DPP10: variants seen among roughly 807,000 people sequenced by gnomAD.
The protein encoded by DPP10 is dipeptidyl peptidase like 10, also known as inactive dipeptidyl peptidase 10.
DPP10 carries 33 observed loss-of-function variants against 120.9 expected under a neutral mutation model. That is an observed-to-expected ratio of 0.27 (90% CI 0.21 to 0.37). The LOEUF (loss-of-function observed/expected upper bound fraction) is 0.37, where lower values mean the gene tolerates loss of function less well. DPP10 is among the 10% of genes least tolerant of loss of function. DPP10 has a pLI of 1.00. For missense variants in DPP10, 816 were observed against 942.8 expected (o/e 0.87, Z 1.76); for synonymous variants, 337 against 326.1 (o/e 1.03, Z -0.36).
intron 2 of DPP10, among the ~76,000 whole-genome samples, chr2:115,330,875 G>A (rs921066065): frequency 5.9e-5 from 9 of 152,058 alleles, no homozygotes; most frequent in African/African-American, 2.2e-4. Context: ...CTCCAGCTTT[G>A]TTCTTTTGGC....
chr2:115,425,735 C>T (rs1321381995), intron 3 of DPP10, among the ~76,000 whole-genome samples: 6 of 152,022 alleles, frequency 3.9e-5, no homozygotes, highest in African/African-American at 1.5e-4. Flanking sequence ...TAAAGAAATA[C>T]CTGAGACTGG....
chr2:115,526,993 GT>G (rs946016900), intron 5 of DPP10, among the ~76,000 whole-genome samples: 15 of 152,048 alleles, frequency 9.9e-5, no homozygotes. Flanking sequence ...TAAGTCATAT[GT>G]TATAGTAAGA....
At chr2:114,725,562 C>T (rs1304618186) in intron 1 of DPP10, among the ~76,000 whole-genome samples, 6 of 152,220 alleles carry the variant, frequency 3.9e-5, no homozygotes, top group African/African-American at 1.4e-4. Context: ...GAGCTTCTCT[C>T]CAGTGCATCT....
chr2:114,872,049 CA>C, intron 1 of DPP10, among the ~76,000 whole-genome samples: 1 of 152,284 alleles, frequency 6.6e-6, no homozygotes, highest in Non-Finnish European at 1.5e-5. Context: ...TTAACATTAG[CA>C]AAGAGCTTTG....
At chr2:115,592,472 G>A (rs189154252) in intron 5 of DPP10, among the ~76,000 whole-genome samples, 2 of 151,998 alleles carry the variant, frequency 1.3e-5, no homozygotes, top group South Asian at 2.1e-4. Flanking sequence ...GCTCATGCCT[G>A]TAATCCTAGC....
chr2:115,832,478 G>T (rs1689031845), intron 21 of DPP10, among the ~76,000 whole-genome samples: 1 of 152,176 alleles, frequency 6.6e-6, no homozygotes, highest in African/African-American at 2.4e-5. Context: ...GACAGAGTGA[G>T]ACCATGTCTA....
chr2:114,788,975 T>C (rs1683013177), intron 1 of DPP10, among the ~76,000 whole-genome samples: 1 of 152,128 alleles, frequency 6.6e-6, no homozygotes, highest in Admixed American at 6.5e-5. Flanking sequence ...CATGGGATGA[T>C]GATATCAACT....
chr2:114,561,540 C>T (rs898564233), intron 1 of DPP10, among the ~76,000 whole-genome samples: 1 of 152,126 alleles, frequency 6.6e-6, no homozygotes, highest in African/African-American at 2.4e-5. Flanking sequence ...CCTTTAGCAA[C>T]TATTTTACAC....
intron 1 of DPP10, among the ~76,000 whole-genome samples, chr2:114,914,966 C>T (rs1262861053): frequency 6.6e-6 from 1 of 152,022 alleles, no homozygotes; most frequent in Non-Finnish European, 1.5e-5. Context: ...CCCGTCTCTA[C>T]TAAAAATACA....
chr2:114,901,942 GGCAACA>G (rs1693608465), intron 1 of DPP10, among the ~76,000 whole-genome samples: 1 of 152,208 alleles, frequency 6.6e-6, no homozygotes, highest in Non-Finnish European at 1.5e-5. Context: ...CAAAGATTAT[GGCAACA>G]GCTTTTTGGG....
At chr2:115,331,884 C>CT (rs751513004) in intron 2 of DPP10, among the ~76,000 whole-genome samples, 78 of 151,868 alleles carry the variant, frequency 5.1e-4, no homozygotes, top group African/African-American at 1.7e-3. Flanking sequence ...CTAAAATTCT[C>CT]TTTTTTTTGT....
At chr2:114,990,380 AATCT>A (rs374010868) in intron 1 of DPP10, among the ~76,000 whole-genome samples, 35 of 150,836 alleles carry the variant, frequency 2.3e-4, no homozygotes, top group South Asian at 6.3e-4. Context: ...ATGTGCCTAT[AATCT>A]ATCTATCTAT....
chr2:114,737,025 C>A (rs1227703637), intron 1 of DPP10, among the ~76,000 whole-genome samples: 1 of 152,126 alleles, frequency 6.6e-6, no homozygotes, highest in Non-Finnish European at 1.5e-5. Flanking sequence ...ACGGTATTAT[C>A]CAAGACAATA....
chr2:114,722,245 T>A (rs1170627597), intron 1 of DPP10, among the ~76,000 whole-genome samples: 8 of 152,330 alleles, frequency 5.3e-5, no homozygotes, highest in African/African-American at 1.9e-4. Context: ...ATTATCTATT[T>A]ATAATTTTGC....
At chr2:115,743,529 T>G (rs7560664) in intron 9 of DPP10, among the ~76,000 whole-genome samples, 86,353 of 152,046 alleles carry the variant, frequency 0.57, 25,944 homozygotes, top group East Asian at 0.72. Context: ...TCAGTGTATC[T>G]AATGATAAAA....
chr2:115,534,373 T>A (rs2078666998), intron 5 of DPP10, among the ~76,000 whole-genome samples: 1 of 151,654 alleles, frequency 6.6e-6, no homozygotes, highest in South Asian at 2.1e-4. Flanking sequence ...TGGTTTTTTG[T>A]TCTTGCGATA....
intron 1 of DPP10, among the ~76,000 whole-genome samples, chr2:114,798,934 G>C (rs1032911611): frequency 8.5e-5 from 13 of 152,102 alleles, no homozygotes; most frequent in African/African-American, 3.1e-4. Flanking sequence ...TTTGAGACCA[G>C]CCTGGTCAAC....
chr2:115,006,332 G>A (rs7424851), intron 1 of DPP10, among the ~76,000 whole-genome samples: 148,359 of 151,898 alleles, frequency 0.98, 72,557 homozygotes, highest in Middle Eastern at 1. Context: ...TAACCAGCTA[G>A]CATCATAACA....
At chr2:114,710,244 A>G (rs1700939509) in intron 1 of DPP10, among the ~76,000 whole-genome samples, 1 of 152,262 alleles carries the variant, frequency 6.6e-6, no homozygotes, top group African/African-American at 2.4e-5. Flanking sequence ...ACATGCCACA[A>G]AGGCGGATTT....
Sources: allele counts gnomAD v4.1 joint callset (sites outside exome capture counted in the v4.1 genomes callset), GRCh38; gene constraint gnomAD v4.1.1; transcripts MANE v1.5; gene names NCBI Gene and HGNC (gene_info 2026-07-23, HGNC 2026-07-21).